TMEM132B: variants seen among roughly 807,000 people sequenced by gnomAD.
TMEM132B encodes the protein transmembrane protein 132B.
TMEM132B carries 18 observed loss-of-function variants against 90.8 expected under a neutral mutation model. The ratio of observed to expected loss-of-function variants is 0.20; its 90% confidence interval spans 0.14 to 0.29. TMEM132B has a LOEUF of 0.29. Among genes scored for constraint, TMEM132B ranks in the 10% least tolerant of loss-of-function variants. The pLI is 1.00. For synonymous variants in TMEM132B, 504 were observed against 523.3 expected (o/e 0.96, Z 0.50); for missense variants, 1,096 against 1,326.8 (o/e 0.83, Z 2.70).
intron 1 of TMEM132B, among the ~76,000 whole-genome samples, chr12:125,298,485 C>A (rs1410932381): frequency 6.6e-6 from 1 of 151,508 alleles, no homozygotes; most frequent in Admixed American, 6.6e-5. Flanking sequence ...AGCAGCCTGG[C>A]CAACGTGGTG....
At chr12:125,651,986 C>T (rs950479884) in intron 7 of TMEM132B, among the ~76,000 whole-genome samples, 1 of 152,144 alleles carries the variant, frequency 6.6e-6, no homozygotes, top group Non-Finnish European at 1.5e-5. Flanking sequence ...TCTCTGGCTT[C>T]CCCTTCTGCC....
At chr12:125,403,129 C>A (rs1341270089) in intron 2 of TMEM132B, among the ~76,000 whole-genome samples, 1 of 152,190 alleles carries the variant, frequency 6.6e-6, no homozygotes, top group African/African-American at 2.4e-5. Context: ...TAAGATAAAC[C>A]TTTTAGCTAT....
intron 3 of TMEM132B, among the ~76,000 whole-genome samples, chr12:125,423,353 A>G (rs891308111): frequency 6.6e-6 from 1 of 152,170 alleles, no homozygotes; most frequent in Non-Finnish European, 1.5e-5. Context: ...CCATGTAGGG[A>G]AATGCGTCGT....
At chr12:125,259,650 C>T (rs1197373792) in intron 1 of TMEM132B, among the ~76,000 whole-genome samples, 3 of 152,028 alleles carry the variant, frequency 2.0e-5, no homozygotes, top group South Asian at 4.2e-4. Context: ...GGGGACTCGT[C>T]GGCAGTGGCA....
chr12:125,317,188 C>T (rs916056205), intron 1 of TMEM132B, among the ~76,000 whole-genome samples: 3 of 152,014 alleles, frequency 2.0e-5, no homozygotes, highest in Non-Finnish European at 4.4e-5. Flanking sequence ...TCAGTTTCCT[C>T]CTCAGATGGA....
Position 125,369,948 on chromosome 12 carries a change from C to G in TMEM132B, c.959+19605C>G, listed in dbSNP as rs559181488. On this transcript the variant is annotated intron_variant, in intron 2 of 8. Coordinates refer to ENST00000682704, the MANE Select transcript of TMEM132B (RefSeq NM_001366854.1). ...CCTGTAATCCCAGCTACTCGGGAGT[C>G]TGAGGTAGGAAAATCACTTGAACCA... 5.3e-5 allele frequency among the ~76,000 whole-genome samples: 8 copies of G among 152,238 alleles called. No homozygotes were observed. The East Asian group carries it at 1.5e-3, about 29-fold the overall frequency.
chr12:125,195,826 G>A (rs1275618978), intron 1 of TMEM132B, among the ~76,000 whole-genome samples: 2 of 152,158 alleles, frequency 1.3e-5, no homozygotes, highest in Admixed American at 1.3e-4. Flanking sequence ...CAGGTGTAAA[G>A]GCCCTGAGGT....
At chr12:125,220,002 T>A (rs1363343382) in intron 1 of TMEM132B, among the ~76,000 whole-genome samples, 1 of 152,252 alleles carries the variant, frequency 6.6e-6, no homozygotes, top group Non-Finnish European at 1.5e-5. Context: ...ACGGACTCAT[T>A]TGATTTTCAT....
intron 1 of TMEM132B, among the ~76,000 whole-genome samples, chr12:125,194,898 T>C (rs771895601): frequency 5.3e-5 from 8 of 152,234 alleles, no homozygotes; most frequent in Non-Finnish European, 1.2e-4. Context: ...GGAGGGCTGC[T>C]GGCTGCCTCT....
intron 1 of TMEM132B, among the ~76,000 whole-genome samples, chr12:125,331,630 A>G (rs918362542): frequency 6.6e-6 from 1 of 152,172 alleles, no homozygotes; most frequent in African/African-American, 2.4e-5. Flanking sequence ...AGCAGGGGTT[A>G]AGCCCACACT....
At chr12:125,583,469 A>G (rs1199787761) in intron 4 of TMEM132B, among the ~76,000 whole-genome samples, 1 of 152,192 alleles carries the variant, frequency 6.6e-6, no homozygotes, top group African/African-American at 2.4e-5. Context: ...AGCCCAGAAT[A>G]TAGGCATTCA....
chr12:125,446,685 G>A (rs997286109), intron 3 of TMEM132B, among the ~76,000 whole-genome samples: 3 of 152,176 alleles, frequency 2.0e-5, no homozygotes, highest in Non-Finnish European at 4.4e-5. Flanking sequence ...CTCCATAAAT[G>A]TTTCTTTGTC....
intron 3 of TMEM132B, among the ~76,000 whole-genome samples, chr12:125,443,725 A>AT (rs1566038172): frequency 1.3e-5 from 2 of 152,130 alleles, no homozygotes; most frequent in South Asian, 2.1e-4. Flanking sequence ...TGGTAGTTAC[A>AT]TTTTTTTCAG....
intron 1 of TMEM132B, among the ~76,000 whole-genome samples, chr12:125,328,229 C>T (rs755382946): frequency 3.9e-5 from 6 of 152,186 alleles, no homozygotes; most frequent in Non-Finnish European, 8.8e-5. Flanking sequence ...CAGTGGCCTC[C>T]GCCAGCCCTG....
At chr12:125,562,100 G>A (rs1314537400) in intron 4 of TMEM132B, among the ~76,000 whole-genome samples, 1 of 152,208 alleles carries the variant, frequency 6.6e-6, no homozygotes, top group Non-Finnish European at 1.5e-5. Flanking sequence ...ACTTGCTACA[G>A]CTTCTCCATC....
chr12:125,534,806 A>G (rs1883753470), intron 4 of TMEM132B, among the ~76,000 whole-genome samples: 1 of 152,248 alleles, frequency 6.6e-6, no homozygotes, highest in Non-Finnish European at 1.5e-5. Flanking sequence ...ACCTGAAGCT[A>G]TCCAATATGG....
chr12:125,321,544 C>A (rs1876425659), intron 1 of TMEM132B, among the ~76,000 whole-genome samples: 1 of 148,632 alleles, frequency 6.7e-6, no homozygotes, highest in African/African-American at 2.5e-5. Context: ...GTGGAGCAAT[C>A]TCGGCTCACT....
chr12:125,568,740 A>G (rs1257531197), intron 4 of TMEM132B, among the ~76,000 whole-genome samples: 1 of 152,182 alleles, frequency 6.6e-6, no homozygotes, highest in African/African-American at 2.4e-5. Context: ...CATTTGTTGC[A>G]TATCCTAAAG....
Position 125,406,021 on chromosome 12 carries a change from C to T in TMEM132B, c.960-9510C>T, listed in dbSNP as rs771683223. The stretch of plus-strand genomic sequence containing the variant: ...TGAATTCAGGTTGTAGCTTTCCTTG[C>T]TTTTTTTTGGAATATTTATTAGTTC... On this transcript the variant is annotated intron_variant, in intron 2 of 8. Transcript: ENST00000682704. This position sits in a 1 kb window ranked among gnomAD's most constrained non-coding sequence, Gnocchi z 8.3. 3.9e-5 allele frequency among the ~76,000 whole-genome samples: 6 copies of T among 151,910 alleles called. No individual in the cohort carries two copies. Among genetic ancestry groups the T allele is most frequent in the Admixed American group, 3.9e-4 (6 of 15,244 alleles).
Sources: allele counts gnomAD v4.1 joint callset (sites outside exome capture counted in the v4.1 genomes callset), GRCh38; gene constraint gnomAD v4.1.1; non-coding constraint Gnocchi (gnomAD v3.1); transcripts MANE v1.5; gene names NCBI Gene and HGNC (gene_info 2026-07-23, HGNC 2026-07-21).